The following PHTF1 variants were observed in gnomAD, a reference collection of about 807,000 sequenced individuals.
The protein encoded by PHTF1 is protein PHTF1.
A neutral mutation model predicts 102.4 loss-of-function variants in PHTF1; 88 were observed. That is an observed-to-expected ratio of 0.86 (90% CI 0.72 to 1.03). The LOEUF (loss-of-function observed/expected upper bound fraction) is 1.03. PHTF1 is among the 50% of genes least tolerant of loss of function. PHTF1 has a pLI of 0.00. For synonymous variants in PHTF1, 289 were observed against 305.2 expected (o/e 0.95, Z 0.55); for missense variants, 814 against 909.5 (o/e 0.89, Z 1.35).
chr1:113,738,166 A>G lies in PHTF1; in HGVS notation c.275T>C (p.Ile92Thr), dbSNP rs1352814730. The change falls in exon 5 of 19, where the codon ATT becomes ACT. Residue 92 changes from isoleucine (I) to threonine (T), a missense_variant. Ile to Thr is a moderately conservative substitution (Grantham distance 89, BLOSUM62 -1). Transcript: ENST00000369604. ...VFFPLFSNWWIQVTSLRIFVW... is the reference protein window; with the variant it reads ...VFFPLFSNWWTQVTSLRIFVW... ...AAAGATTCTTAAAGAGGTAACCTGAATCCACCAATTGCTGAACAATGGAAA... is the reference window on the plus strand; with the variant it reads ...AAAGATTCTTAAAGAGGTAACCTGAGTCCACCAATTGCTGAACAATGGAAA... 1 of 1,613,070 alleles carries G rather than the reference A, an allele frequency of 6.2e-7. No individual in the cohort carries two copies. Among genetic ancestry groups the G allele is most frequent in the Non-Finnish European group, 8.5e-7 (1 of 1,179,016 alleles).
At chr1:113,746,077 A>T (rs180934008) in intron 3 of PHTF1, among the ~76,000 whole-genome samples, 28 of 152,360 alleles carry the variant, frequency 1.8e-4, no homozygotes, top group African/African-American at 6.7e-4. Context: ...ACAGACATTG[A>T]ATATAAATAT....
intron 11 of PHTF1, 32 bp downstream of exon 11, chr1:113,710,222 A>G (rs749288652): frequency 6.8e-7 from 1 of 1,480,770 alleles, no homozygotes; most frequent in Non-Finnish European, 9.4e-7. Flanking sequence ...AACACAATAA[A>G]TACTAGCTAT....
At chr1:113,735,796 C>T (rs1464267638) in intron 5 of PHTF1, among the ~76,000 whole-genome samples, 1 of 152,108 alleles carries the variant, frequency 6.6e-6, no homozygotes, top group Non-Finnish European at 1.5e-5. Context: ...TTAACTGACA[C>T]AAATAGAAGA....
intron 7 of PHTF1, among the ~76,000 whole-genome samples, chr1:113,724,445 G>A (rs1653499438): frequency 6.6e-6 from 1 of 151,378 alleles, no homozygotes; most frequent in African/African-American, 2.4e-5. Context: ...GAAGGCTGAG[G>A]CAGGAGAATC....
chr1:113,711,719 C>A (rs774976178), intron 10 of PHTF1, 27 bp downstream of exon 10: 1 of 1,546,068 alleles, frequency 6.5e-7, no homozygotes, highest in South Asian at 1.1e-5. Flanking sequence ...CAAAAATATA[C>A]CTTGATTTCT....
chr1:113,710,808 A>ATT (rs1317170026), intron 10 of PHTF1, among the ~76,000 whole-genome samples: 7 of 89,882 alleles, frequency 7.8e-5, no homozygotes, highest in South Asian at 9.0e-4. Flanking sequence ...ATATATATAT[A>ATT]TATTTTTTTT....
At chr1:113,703,791 C>A in intron 15 of PHTF1, 1 of 328,052 alleles carries the variant, frequency 3.0e-6, no homozygotes. Flanking sequence ...CTAATAAATA[C>A]AGAAGGAATA....
intron 3 of PHTF1, among the ~76,000 whole-genome samples, chr1:113,743,846 A>G (rs2101639572): frequency 6.6e-6 from 1 of 152,314 alleles, no homozygotes; most frequent in African/African-American, 2.4e-5. Flanking sequence ...CAAATGTCCT[A>G]TGAGATTGGT....
intron 17 of PHTF1, 74 bp downstream of exon 17, chr1:113,699,630 A>G (rs1649224220): frequency 1.3e-6 from 1 of 742,724 alleles, no homozygotes; most frequent in Admixed American, 2.3e-5. Flanking sequence ...ATCATCTGCC[A>G]TTTAATGTTT....
rs1419924400 is a variant in PHTF1, at chr1:113,704,770, G to A, written c.1699C>T (p.His567Tyr). 6.3e-7 allele frequency: 1 copy of A among 1,592,934 alleles called. No individual in the cohort carries two copies. Among genetic ancestry groups the A allele is most frequent in the Non-Finnish European group, 8.6e-7 (1 of 1,163,286 alleles). ...QRFLFAKLFSHITSARKARKY... is the reference protein window; with the variant it reads ...QRFLFAKLFSYITSARKARKY... ...CTAGCTTTCCTGGCAGAAGTAATAT[G>A]GCTGAAGAGTTTTGCAAATAAAAAT... The change falls in exon 14 of 19, where the codon CAT becomes TAT. Residue 567 changes from histidine (H) to tyrosine (Y), a missense_variant. Physicochemically the swap from His to Tyr is moderately conservative, Grantham distance 83. Coordinates refer to ENST00000369604, the MANE Select transcript of PHTF1 (RefSeq NM_001323043.2).
chr1:113,698,490 C>T (rs1649047767), intron 17 of PHTF1, 103 bp from the exon 18 acceptor site: 2 of 962,850 alleles, frequency 2.1e-6, no homozygotes, highest in Non-Finnish European at 1.6e-6. Context: ...ATGCTTAAGG[C>T]TGTCTTTCCT....
In PHTF1 at chr1:113,704,687, TA is replaced by T; in HGVS notation, c.1781del (p.Leu594TyrfsTer7). 1 of 1,592,128 alleles carries T rather than the reference TA, an allele frequency of 6.3e-7. No homozygotes were observed. The highest frequency in any genetic ancestry group is 8.6e-7 in the Non-Finnish European group (1 of 1,164,382). ...LKKVENIKIWLSLRSYLKRRG... is the reference protein window; with the variant it reads ...LKKVENIKIWXSLRSYLKRRG... ...TCACCTTTAGATAGGAACGCAGTGA[TA>T]ACCATATTTTAATATTCTCCACCTT... On this transcript the variant is annotated frameshift_variant, in exon 14 of 19. Transcript: ENST00000369604. LOFTEE classifies it high-confidence loss of function.
In PHTF1 at chr1:113,759,224, GC is replaced by G; in HGVS notation, c.-233del. The G allele has an allele frequency of 3.1e-6, 1 of 322,120 alleles. No homozygotes were observed. The highest frequency in any genetic ancestry group is 4.5e-6 in the Non-Finnish European group (1 of 222,954). 20.0% of individuals were successfully genotyped at this position (322,120 alleles called of 1,614,324 possible). A position where few individuals can be genotyped will look rare whatever the true frequency, so the allele number is the denominator to read the frequency against. Reference sequence around the variant, plus strand: ...CAGCCGGCCGCCCAGCGCCCTGAGGGCGGCAAATCGATCGCCGGTCAGAGGC... The same window carrying G: ...CAGCCGGCCGCCCAGCGCCCTGAGGGGGCAAATCGATCGCCGGTCAGAGGC... On this transcript the variant is annotated 5_prime_UTR_variant, in exon 1 of 19. Transcript: ENST00000369604.
chr1:113,731,033 G>A (rs1654551450), intron 5 of PHTF1, among the ~76,000 whole-genome samples: 1 of 152,138 alleles, frequency 6.6e-6, no homozygotes, highest in Admixed American at 6.5e-5. Context: ...GGAGTTTAAT[G>A]GGTATGGAGT....
intron 3 of PHTF1, among the ~76,000 whole-genome samples, chr1:113,756,085 G>A (rs1326689618): frequency 4.0e-5 from 6 of 150,000 alleles, no homozygotes; most frequent in Non-Finnish European, 7.4e-5. Flanking sequence ...AAAAAAAAAG[G>A]GTGAAGGAAA....
chr1:113,745,380 C>G (rs1226132632), intron 3 of PHTF1, among the ~76,000 whole-genome samples: 2 of 152,080 alleles, frequency 1.3e-5, no homozygotes. Flanking sequence ...AGATAGGAAG[C>G]AAGAGAAAGC....
intron 17 of PHTF1, 82 bp downstream of exon 17, chr1:113,699,622 C>A: frequency 1.4e-6 from 1 of 723,798 alleles, no homozygotes; most frequent in Non-Finnish European, 2.5e-6. Flanking sequence ...CCCAAGGTAT[C>A]ATCTGCCATT....
At chr1:113,749,277 A>T (rs1657666564) in intron 3 of PHTF1, among the ~76,000 whole-genome samples, 1 of 152,142 alleles carries the variant, frequency 6.6e-6, no homozygotes, top group African/African-American at 2.4e-5. Context: ...ATCCATTTAT[A>T]ATTAACAGTC....
In PHTF1 at chr1:113,757,725, T is replaced by A; in HGVS notation, c.76A>T (p.Lys26Ter). 6.2e-7 allele frequency: 1 copy of A among 1,609,388 alleles called. No individual in the cohort carries two copies. Among genetic ancestry groups the A allele is most frequent in the Admixed American group, 1.7e-5 (1 of 60,022 alleles). Residue 26 changes from lysine (K) to a stop codon, truncating the protein, a stop_gained, in exon 3 of 19, where the codon AAG (lysine) becomes TAG (stop). Transcript: ENST00000369604. LOFTEE classifies it high-confidence loss of function. ...TTAATCTGAGTCTGTTCGATTGACT[T>A]TTCCCATATCTGCTGATCGTAGGCT... ...IGAYDQQIWE[K>*]SIEQTQIKGL...
Sources: allele counts gnomAD v4.1 joint callset (sites outside exome capture counted in the v4.1 genomes callset), GRCh38; gene constraint gnomAD v4.1.1; transcripts MANE v1.5; gene names NCBI Gene and HGNC (gene_info 2026-07-23, HGNC 2026-07-21).